Variants in DENND1A observed in about 807,000 individuals in gnomAD.
The protein encoded by DENND1A is DENN domain containing 1A.
In DENND1A, 51 loss-of-function variants were observed where a neutral mutation model predicts 113.7. The observed-to-expected ratio is 0.45, with a 90% CI of 0.36 to 0.57. DENND1A has a LOEUF of 0.57. Ranked by LOEUF, DENND1A falls within the 20% of genes least tolerant of loss-of-function variation. The pLI is 0.00. For missense variants in DENND1A, 1,258 were observed against 1,395.9 expected (o/e 0.90, Z 1.57); for synonymous variants, 565 against 570.8 (o/e 0.99, Z 0.14).
At chr9:123,709,344 G>C (rs2066434222) in intron 5 of DENND1A, among the ~76,000 whole-genome samples, 1 of 152,134 alleles carries the variant, frequency 6.6e-6, no homozygotes, top group African/African-American at 2.4e-5. Context: ...CTTTTGGATA[G>C]AATTCTCGTA....
intron 13 of DENND1A, among the ~76,000 whole-genome samples, chr9:123,545,286 G>T (rs532168813): frequency 6.6e-6 from 1 of 152,110 alleles, no homozygotes; most frequent in East Asian, 1.9e-4. Context: ...ATATTTCAGA[G>T]AATGCAACCG....
At position 123,381,841 on chromosome 9, in the gene DENND1A, C is replaced by G; in HGVS notation, c.2804G>C (p.Ser935Thr). ...PAFASGLLLS[S>T]AGFCAPHRSQ... ...CCTGTGAGGGGCACAGAAGCCAGCACTGGACAGCAGGAGGCCGGACGCAAA... is the reference window on the plus strand; with the variant it reads ...CCTGTGAGGGGCACAGAAGCCAGCAGTGGACAGCAGGAGGCCGGACGCAAA... The change falls in exon 24 of 24, where the codon AGT (serine) becomes ACT (threonine). Residue 935 changes from serine (S) to threonine (T), a missense_variant. Ser to Thr is a moderately conservative substitution (Grantham distance 58). This residue lies in a region of DENND1A where 1,159 missense variants were observed against 1,231.7 expected (regional missense o/e 0.94). Coordinates refer to ENST00000394215, the MANE Select transcript of DENND1A (RefSeq NM_001352964.2). The surrounding 1 kb of genome is among the most constrained non-coding windows in gnomAD (Gnocchi z 4.7). The G allele has an allele frequency of 1.3e-6, 2 of 1,487,880 alleles. No homozygotes were observed. Among genetic ancestry groups the G allele is most frequent in the Non-Finnish European group, 1.8e-6 (2 of 1,120,094 alleles). 92.2% of individuals were successfully genotyped at this position (1,487,880 alleles called of 1,614,324 possible).
chr9:123,755,860 G>A (rs2070494357), intron 5 of DENND1A, among the ~76,000 whole-genome samples: 1 of 152,176 alleles, frequency 6.6e-6, no homozygotes, highest in African/African-American at 2.4e-5. Context: ...TACAGGTAAG[G>A]CTACCAGTAA....
At chr9:123,586,896 C>A (rs774251199) in intron 11 of DENND1A, among the ~76,000 whole-genome samples, 1 of 152,110 alleles carries the variant, frequency 6.6e-6, no homozygotes, top group Non-Finnish European at 1.5e-5. Flanking sequence ...AGAGGTCAAA[C>A]AAGCTGCCCA....
chr9:123,761,788 C>T (rs1564217134), intron 4 of DENND1A, among the ~76,000 whole-genome samples: 1 of 152,132 alleles, frequency 6.6e-6, no homozygotes, highest in Non-Finnish European at 1.5e-5. Flanking sequence ...TTCTGAATCT[C>T]CAAGGAATTT....
At chr9:123,553,112 C>T (rs1016048506) in intron 13 of DENND1A, among the ~76,000 whole-genome samples, 2 of 152,086 alleles carry the variant, frequency 1.3e-5, no homozygotes, top group African/African-American at 2.4e-5. Context: ...AATAAATTAG[C>T]TGAGTTCAGT....
At chr9:123,918,756 C>T (rs1208683445) in intron 1 of DENND1A, among the ~76,000 whole-genome samples, 1 of 152,178 alleles carries the variant, frequency 6.6e-6, no homozygotes, top group East Asian at 1.9e-4. Context: ...ACAAGTATCC[C>T]AGCTAGTATG....
chr9:123,581,236 G>A (rs74858953), intron 12 of DENND1A, among the ~76,000 whole-genome samples: 3,245 of 152,224 alleles, frequency 0.021, 48 homozygotes, highest in Non-Finnish European at 0.033. Flanking sequence ...TCAGTGCAGT[G>A]AGCCAGTGAA....
At chr9:123,895,535 T>C (rs913003554) in intron 1 of DENND1A, among the ~76,000 whole-genome samples, 3 of 150,386 alleles carry the variant, frequency 2.0e-5, no homozygotes, top group African/African-American at 7.4e-5. Flanking sequence ...GGTAGGAGAA[T>C]CACTTGAACC....
At chr9:123,660,018 T>C (rs1482510672) in intron 8 of DENND1A, among the ~76,000 whole-genome samples, 1 of 152,156 alleles carries the variant, frequency 6.6e-6, no homozygotes, top group African/African-American at 2.4e-5. Context: ...TAAAAAAACA[T>C]TTCTTTTCTT....
chr9:123,883,833 A>C (rs1848636411), intron 1 of DENND1A, among the ~76,000 whole-genome samples: 1 of 149,234 alleles, frequency 6.7e-6, no homozygotes, highest in Non-Finnish European at 1.5e-5. Flanking sequence ...GTAGAGTTCT[A>C]TTCCATTACA....
At chr9:123,390,986 C>T (rs12347368) in intron 21 of DENND1A, among the ~76,000 whole-genome samples, 14,227 of 152,294 alleles carry the variant, frequency 0.093, 710 homozygotes, top group Middle Eastern at 0.17. Flanking sequence ...CACCCAGGAG[C>T]GAGGAACCTC....
intron 5 of DENND1A, among the ~76,000 whole-genome samples, chr9:123,755,242 C>A (rs1419333455): frequency 6.6e-6 from 1 of 151,894 alleles, no homozygotes; most frequent in African/African-American, 2.4e-5. Context: ...CATGCCTCAG[C>A]CACCCAAGTA....
rs548004056 is a variant in DENND1A, at chr9:123,414,738, T to A, written c.1489-2909A>T. Reference sequence around the variant, plus strand: ...CCCTATACCACCCATGAATATCCCCTGGAAAATGCTGTCTGAAGTGTTCAA... The same window carrying A: ...CCCTATACCACCCATGAATATCCCCAGGAAAATGCTGTCTGAAGTGTTCAA... On this transcript the variant is annotated intron_variant, in intron 19 of 23. Coordinates refer to ENST00000394215, the MANE Select transcript of DENND1A (RefSeq NM_001352964.2). The A allele has an allele frequency of 7.1e-5, 77 of 1,081,286 alleles. 1 individual carries two copies. In the East Asian group the frequency reaches 1.6e-3, roughly 22 times the overall value. 67.0% of individuals were successfully genotyped at this position (1,081,286 alleles called of 1,614,324 possible).
chr9:123,384,102 G>A (rs1246790707), intron 22 of DENND1A, among the ~76,000 whole-genome samples, 189 bp from the exon 23 acceptor site: 2 of 152,238 alleles, frequency 1.3e-5, no homozygotes, highest in African/African-American at 4.8e-5. Flanking sequence ...GCATGCCGAT[G>A]GGCCTGGGGC....
chr9:123,751,306 G>T (rs1267178928), intron 5 of DENND1A: 1 of 152,190 alleles, frequency 6.6e-6, no homozygotes, highest in East Asian at 1.9e-4. Flanking sequence ...CCAGAAGGAA[G>T]AAGGTTGTCA....
intron 2 of DENND1A, among the ~76,000 whole-genome samples, chr9:123,875,696 G>A (rs896021258): frequency 1.3e-5 from 2 of 152,122 alleles, no homozygotes; most frequent in African/African-American, 4.8e-5. Context: ...AGACCCCAGG[G>A]GAGAGACTCA....
intron 5 of DENND1A, among the ~76,000 whole-genome samples, chr9:123,738,257 C>T (rs1189294151): frequency 6.6e-6 from 1 of 152,126 alleles, no homozygotes; most frequent in African/African-American, 2.4e-5. Flanking sequence ...TGTGGATTCT[C>T]CTTTTACAAA....
At chr9:123,881,758 T>A (rs1848346233) in intron 1 of DENND1A, among the ~76,000 whole-genome samples, 1 of 152,200 alleles carries the variant, frequency 6.6e-6, no homozygotes, top group Non-Finnish European at 1.5e-5. Flanking sequence ...CTAATGTATA[T>A]ACTCATTGTT....
Sources: allele counts gnomAD v4.1 joint callset (sites outside exome capture counted in the v4.1 genomes callset), GRCh38; gene constraint gnomAD v4.1.1; regional missense constraint gnomAD v4.1.1; non-coding constraint Gnocchi (gnomAD v3.1); transcripts MANE v1.5; gene names NCBI Gene and HGNC (gene_info 2026-07-23, HGNC 2026-07-21).